Variants in NAA50 observed in about 807,000 individuals in gnomAD.
The protein encoded by NAA50 is N-alpha-acetyltransferase 50.
Under a neutral mutation model 20.7 loss-of-function variants are expected in NAA50, and 7 were observed. The ratio of observed to expected loss-of-function variants is 0.34; its 90% CI spans 0.19 to 0.63. NAA50 has a LOEUF of 0.63. Ranked by LOEUF, NAA50 falls within the 30% of genes least tolerant of loss-of-function variation. The pLI is 0.75. For missense variants in NAA50, 111 were observed against 199.1 expected (o/e 0.56, Z 2.66); for synonymous variants, 54 against 70.6 (o/e 0.77, Z 1.18).
At chr3:113,740,462 G>A (rs1322282627) in intron 1 of NAA50, among the ~76,000 whole-genome samples, 1 of 152,140 alleles carries the variant, frequency 6.6e-6, no homozygotes, top group Non-Finnish European at 1.5e-5. Flanking sequence ...AACCTCCTAA[G>A]CTCAAGTGAT....
At chr3:113,742,392 G>T (rs982653979) in intron 1 of NAA50, among the ~76,000 whole-genome samples, 1 of 150,948 alleles carries the variant, frequency 6.6e-6, no homozygotes, top group African/African-American at 2.4e-5. Context: ...CTCCCAAGTA[G>T]CTGGAACTAC....
chr3:113,736,462 C>G (rs1577071862), intron 1 of NAA50, among the ~76,000 whole-genome samples: 1 of 152,290 alleles, frequency 6.6e-6, no homozygotes, highest in East Asian at 1.9e-4. Flanking sequence ...TACATAACTT[C>G]TGGGTTAGAC....
intron 1 of NAA50, among the ~76,000 whole-genome samples, chr3:113,729,495 C>G (rs1024148641): frequency 6.6e-6 from 1 of 151,612 alleles, no homozygotes; most frequent in Non-Finnish European, 1.5e-5. Flanking sequence ...GCTGGCAATA[C>G]TCCTTGTTTT....
rs753357286 is a variant in NAA50 at position 113,723,946 on chromosome 3, A to C, written c.145+13T>G. ...AGAAAAGAAGGGAGGACAAAAAAAA[A>C]ACTATATTATACCAAGTTTTGCTAG... On this transcript the variant is annotated intron_variant, in intron 2 of 4. Coordinates refer to ENST00000240922, the MANE Select transcript of NAA50 (RefSeq NM_025146.4). The C allele has an allele frequency of 3.9e-6, 6 of 1,540,490 alleles. No individual in the cohort carries two copies. The highest frequency in any genetic ancestry group is 2.1e-5 in the Admixed American group (1 of 46,826).
At chr3:113,728,988 CTTT>C (rs1336718794) in intron 1 of NAA50, among the ~76,000 whole-genome samples, 1 of 142,180 alleles carries the variant, frequency 7.0e-6, no homozygotes. Flanking sequence ...TTTTCCTTTT[CTTT>C]TTTTTTTTTT....
At chr3:113,727,752 T>C (rs1708217337) in intron 1 of NAA50, among the ~76,000 whole-genome samples, 1 of 152,138 alleles carries the variant, frequency 6.6e-6, no homozygotes, top group South Asian at 2.1e-4. Flanking sequence ...GTTATATATA[T>C]GTATATACAC....
rs114406338 is a variant in NAA50, at chr3:113,718,858, A to G, written c.*2902T>C. 1 of 152,630 alleles carries G rather than the reference A, an allele frequency of 6.6e-6. No homozygotes were observed. Among genetic ancestry groups the G allele is most frequent in the Non-Finnish European group, 1.5e-5 (1 of 68,038 alleles). 9.5% of individuals were successfully genotyped at this position (152,630 alleles called of 1,614,324 possible). A position where few individuals can be genotyped will look rare whatever the true frequency, so the allele number is the denominator to read the frequency against. Reference sequence around the variant, plus strand: ...GCCTTAATTACACTTGGCCTATTTTAATGATTTTAAAATTAGATCTTAAAT... The same window carrying G: ...GCCTTAATTACACTTGGCCTATTTTGATGATTTTAAAATTAGATCTTAAAT... On this transcript the variant is annotated 3_prime_UTR_variant, in exon 5 of 5. Coordinates refer to ENST00000240922, the MANE Select transcript of NAA50 (RefSeq NM_025146.4).
intron 1 of NAA50, 105 bp downstream of exon 1, chr3:113,745,837 C>T (rs1317542893): frequency 2.4e-5 from 32 of 1,313,684 alleles, no homozygotes; most frequent in Non-Finnish European, 3.3e-5. Context: ...TCCCTCCGCC[C>T]GTCTTCGCCC....
At chr3:113,729,905 T>C (rs1467469956) in intron 1 of NAA50, among the ~76,000 whole-genome samples, 1 of 152,204 alleles carries the variant, frequency 6.6e-6, no homozygotes, top group Non-Finnish European at 1.5e-5. Context: ...TTTTACCTTT[T>C]TCTTTTTACT....
At chr3:113,741,763 C>T (rs1039542193) in intron 1 of NAA50, among the ~76,000 whole-genome samples, 3 of 152,144 alleles carry the variant, frequency 2.0e-5, no homozygotes, top group Non-Finnish European at 4.4e-5. Flanking sequence ...TTGTTTAGAG[C>T]TTTCCTAAGA....
Position 113,724,003 on chromosome 3 carries a change from T to A in NAA50, c.101A>T (p.Lys34Met). ...QVIFPVSYND[K>M]FYKDVLEVGE... is the part of the protein sequence containing the mutation. ...AACCTCCAGCACATCCTTGTAGAAC[T>A]TGTCATTGTAGCTGACTGGAAAGAT... Residue 34 changes from lysine (K) to methionine (M), a missense_variant, in exon 2 of 5, where the codon AAG (lysine) becomes ATG (methionine). Physicochemically the swap from Lys to Met is moderately conservative, Grantham distance 95. Coordinates refer to ENST00000240922, the MANE Select transcript of NAA50 (RefSeq NM_025146.4). The A allele has an allele frequency of 6.2e-7, 1 of 1,610,862 alleles. No individual in the cohort carries two copies. The highest frequency in any genetic ancestry group is 2.2e-5 in the East Asian group (1 of 44,836).
intron 2 of NAA50, 175 bp from the exon 3 acceptor site, chr3:113,723,716 A>G: frequency 1.2e-5 from 10 of 831,922 alleles, no homozygotes; most frequent in Non-Finnish European, 1.2e-5. Context: ...CCTCCTCTAG[A>G]GTATAGCTTA....
Position 113,745,965 on chromosome 3 carries a change from A to G in NAA50, c.-16T>C, listed in dbSNP as rs1249446204. The stretch of plus-strand genomic sequence containing the variant: ...ACCCTTTCATCTTCCCCGCCTGCTG[A>G]GGCCGTCGTTACCACCGATATCAAC... On this transcript the variant is annotated 5_prime_UTR_variant, in exon 1 of 5. Transcript: ENST00000240922. 2 of 1,606,126 alleles carry G rather than the reference A, an allele frequency of 1.2e-6. No homozygotes were observed. The highest frequency in any genetic ancestry group is 1.1e-5 in the South Asian group (1 of 90,800).
chr3:113,728,073 C>A (rs1469534597), intron 1 of NAA50, among the ~76,000 whole-genome samples: 11 of 127,226 alleles, frequency 8.6e-5, no homozygotes, highest in South Asian at 2.4e-4. Flanking sequence ...GCAAGGAACA[C>A]GGAGTTAAAA....
intron 1 of NAA50, among the ~76,000 whole-genome samples, chr3:113,730,278 G>A (rs1684390127): frequency 6.6e-6 from 1 of 152,112 alleles, no homozygotes; most frequent in Non-Finnish European, 1.5e-5. Flanking sequence ...TCCAGCCTGA[G>A]TGACAGAGTG....
intron 1 of NAA50, among the ~76,000 whole-genome samples, chr3:113,725,960 T>TCA (rs1708193707): frequency 3.3e-5 from 5 of 152,174 alleles, no homozygotes; most frequent in Admixed American, 3.3e-4. Flanking sequence ...TACCCCCTAT[T>TCA]TAAGTAGTCT....
chr3:113,735,998 T>C lies in NAA50; in HGVS notation c.8+9944A>G, dbSNP rs139097212. Among the ~76,000 whole-genome samples the C allele has an allele frequency of 4.6e-5, 7 of 152,332 alleles. No individual in the cohort carries two copies. In the East Asian group the frequency reaches 1.3e-3, roughly 29 times the overall value. On this transcript the variant is annotated intron_variant, in intron 1 of 4. Coordinates refer to ENST00000240922, the MANE Select transcript of NAA50 (RefSeq NM_025146.4). ...ACCGTGCCTGGCCTGATTCACAGTT[T>C]TTCCTTTTTGTTTCTGGTTTTTACA...
chr3:113,742,642 C>G (rs1464843362), intron 1 of NAA50, among the ~76,000 whole-genome samples: 3 of 152,016 alleles, frequency 2.0e-5, no homozygotes, highest in African/African-American at 2.4e-5. Context: ...AACCACTGTT[C>G]GGAGTTTTTA....
In NAA50 at chr3:113,720,418, T is replaced by C. The variant is rs1708119862; in HGVS notation, c.*1342A>G. The C allele has an allele frequency of 6.6e-6, 1 of 152,636 alleles. No individual in the cohort carries two copies. Among genetic ancestry groups the C allele is most frequent in the Non-Finnish European group, 1.5e-5 (1 of 68,024 alleles). The allele number at this position is 152,636 out of a possible 1,614,324, so 9.5% of individuals were successfully genotyped here. Reference sequence around the variant, plus strand: ...GGACTACAAAAGGAAAACATGAATATTTCAGATGTCTCCCATCTTACAAAG... The same window carrying C: ...GGACTACAAAAGGAAAACATGAATACTTCAGATGTCTCCCATCTTACAAAG... On this transcript the variant is annotated 3_prime_UTR_variant, in exon 5 of 5. Transcript: ENST00000240922.
Sources: gnomAD v4.1 joint callset for allele counts (sites outside exome capture counted in the v4.1 genomes callset) on GRCh38, gnomAD v4.1.1 for gene constraint, MANE v1.5 for transcripts, NCBI Gene and HGNC (gene_info 2026-07-23, HGNC 2026-07-21) for gene names.